NUBPL: variants seen among roughly 807,000 people sequenced by gnomAD.
NUBPL encodes the protein iron-sulfur cluster transfer protein NUBPL.
In NUBPL, 31 loss-of-function variants were observed where a neutral mutation model predicts 45.7. The observed-to-expected ratio is 0.68, with a 90% confidence interval of 0.51 to 0.92. The LOEUF is 0.92. NUBPL is among the 40% of genes least tolerant of loss of function. NUBPL has a pLI of 0.00. For missense variants in NUBPL, 401 were observed against 398.7 expected (o/e 1.01, Z -0.05); for synonymous variants, 144 against 140.9 (o/e 1.02, Z -0.15).
intron 6 of NUBPL, among the ~76,000 whole-genome samples, chr14:31,699,065 G>T (rs1162826598): frequency 2.0e-5 from 3 of 152,116 alleles, no homozygotes; most frequent in Non-Finnish European, 4.4e-5. Context: ...ATGTTGGTCA[G>T]GCTTGTCTTG....
At chr14:31,602,405 G>A (rs201803143) in intron 4 of NUBPL, among the ~76,000 whole-genome samples, 29 of 145,198 alleles carry the variant, frequency 2.0e-4, no homozygotes, top group African/African-American at 3.3e-4. Context: ...AAAAAAAAAA[G>A]AAAAAAAAAG....
chr14:31,726,460 T>C (rs1035192423), intron 6 of NUBPL, among the ~76,000 whole-genome samples: 1 of 152,242 alleles, frequency 6.6e-6, no homozygotes, highest in African/African-American at 2.4e-5. Flanking sequence ...ATGAATGCTC[T>C]ATCAGTGGAA....
intron 6 of NUBPL, among the ~76,000 whole-genome samples, chr14:31,736,275 A>G (rs1432755021): frequency 6.6e-6 from 1 of 152,218 alleles, no homozygotes; most frequent in Non-Finnish European, 1.5e-5. Flanking sequence ...TAACATTAAA[A>G]TGTGTAAAGT....
At chr14:31,609,495 A>T (rs1185063963) in intron 4 of NUBPL, among the ~76,000 whole-genome samples, 2 of 152,220 alleles carry the variant, frequency 1.3e-5, no homozygotes, top group Non-Finnish European at 2.9e-5. Context: ...TCAATACCCC[A>T]CTTGCAGCAT....
chr14:31,666,894 G>T (rs1475298238), intron 4 of NUBPL, among the ~76,000 whole-genome samples: 1 of 152,114 alleles, frequency 6.6e-6, no homozygotes, highest in Non-Finnish European at 1.5e-5. Flanking sequence ...CTCTCTTCTG[G>T]CTTGTAGGGT....
At chr14:31,838,381 G>C (rs2040318521) in intron 8 of NUBPL, among the ~76,000 whole-genome samples, 1 of 151,048 alleles carries the variant, frequency 6.6e-6, no homozygotes, top group Non-Finnish European at 1.5e-5. Context: ...GACCCAAAAG[G>C]AGAATGGATA....
At chr14:31,693,740 T>C (rs887614904) in intron 6 of NUBPL, among the ~76,000 whole-genome samples, 4 of 146,086 alleles carry the variant, frequency 2.7e-5, no homozygotes, top group Non-Finnish European at 5.9e-5. Flanking sequence ...ATGAGGAACA[T>C]TAATTAATTC....
intron 4 of NUBPL, among the ~76,000 whole-genome samples, chr14:31,601,793 A>G (rs373406188): frequency 0.036 from 5,549 of 152,230 alleles, 134 homozygotes; most frequent in African/African-American, 0.077. Flanking sequence ...TGTTGGTGGG[A>G]CTGTAAACTA....
At chr14:31,825,727 A>G (rs1006639039) in intron 7 of NUBPL, among the ~76,000 whole-genome samples, 5 of 113,614 alleles carry the variant, frequency 4.4e-5, no homozygotes, top group African/African-American at 7.2e-5. Context: ...CCTCTCCTTC[A>G]TCATCTTCTT....
intron 4 of NUBPL, among the ~76,000 whole-genome samples, chr14:31,615,059 G>A (rs1256791553): frequency 2.0e-5 from 3 of 152,184 alleles, no homozygotes; most frequent in Non-Finnish European, 4.4e-5. Flanking sequence ...TAATCCTCAT[G>A]TGTTGAGGAA....
At chr14:31,809,050 T>G (rs2039747865) in intron 7 of NUBPL, among the ~76,000 whole-genome samples, 1 of 151,064 alleles carries the variant, frequency 6.6e-6, no homozygotes, top group African/African-American at 2.4e-5. Context: ...TGCATCGATG[T>G]TCATCAGGGA....
chr14:31,633,682 A>G (rs2035405118), intron 4 of NUBPL, among the ~76,000 whole-genome samples: 1 of 152,212 alleles, frequency 6.6e-6, no homozygotes, highest in African/African-American at 2.4e-5. Flanking sequence ...TTGTTCCATG[A>G]CAGCTCTATT....
chr14:31,835,854 A>G (rs1595694895), intron 8 of NUBPL, among the ~76,000 whole-genome samples: 3 of 152,338 alleles, frequency 2.0e-5, no homozygotes, highest in East Asian at 3.9e-4. Context: ...GCAGTTATGA[A>G]TCTAATCTAT....
At chr14:31,659,594 A>G (rs1313204485) in intron 4 of NUBPL, among the ~76,000 whole-genome samples, 1 of 152,190 alleles carries the variant, frequency 6.6e-6, no homozygotes, top group East Asian at 1.9e-4. Flanking sequence ...TAAGATGGCA[A>G]GTTTTAGAAG....
chr14:31,664,633 G>T (rs2036359736), intron 4 of NUBPL, among the ~76,000 whole-genome samples: 2 of 152,134 alleles, frequency 1.3e-5, no homozygotes, highest in South Asian at 4.1e-4. Flanking sequence ...TGGATTTGGT[G>T]TGACAGCATT....
chr14:31,637,496 G>C (rs1275234488), intron 4 of NUBPL, among the ~76,000 whole-genome samples: 2 of 152,124 alleles, frequency 1.3e-5, no homozygotes, highest in Non-Finnish European at 2.9e-5. Flanking sequence ...GCTGAGGAGA[G>C]CTTTACTTCC....
intron 8 of NUBPL, among the ~76,000 whole-genome samples, chr14:31,841,934 T>TTTG (rs2040380717): frequency 3.2e-5 from 4 of 123,126 alleles, no homozygotes; most frequent in South Asian, 2.9e-4. Flanking sequence ...TTTTTTTTTT[T>TTTG]TTTTTTTTTT....
chr14:31,614,101 T>C (rs2034835256), intron 4 of NUBPL, among the ~76,000 whole-genome samples: 1 of 152,156 alleles, frequency 6.6e-6, no homozygotes, highest in African/African-American at 2.4e-5. Context: ...GGATATGTAA[T>C]GCTGGTCAGT....
chr14:31,565,652 T>G (rs1157097136), intron 3 of NUBPL, among the ~76,000 whole-genome samples: 2 of 152,184 alleles, frequency 1.3e-5, no homozygotes, highest in Non-Finnish European at 1.5e-5. Flanking sequence ...AGTTCCCATT[T>G]GATGAAATAT....
Sources: allele counts gnomAD v4.1 joint callset (sites outside exome capture counted in the v4.1 genomes callset), GRCh38; gene constraint gnomAD v4.1.1; transcripts MANE v1.5; gene names NCBI Gene and HGNC (gene_info 2026-07-23, HGNC 2026-07-21).